C16orf74: variants seen among roughly 807,000 people sequenced by gnomAD.
The protein encoded by C16orf74 is uncharacterized protein C16orf74.
A neutral mutation model predicts 6.5 loss-of-function variants in C16orf74; 10 were observed. The ratio of observed to expected loss-of-function variants is 1.54; its 90% CI spans 0.95 to 2.61. The LOEUF is 2.61. Among genes scored for constraint, C16orf74 ranks in the 30% most tolerant of loss-of-function variants. The probability of loss-of-function intolerance (pLI) is 0.00; values close to 1 mark genes in which losing one functional copy is unlikely to be tolerated. For synonymous variants in C16orf74, 60 were observed against 42.5 expected (o/e 1.41, Z -1.60); for missense variants, 141 against 105.9 (o/e 1.33, Z -1.45).
Position 85,710,274 on chromosome 16 carries a change from C to T in C16orf74, c.62G>A (p.Ser21Asn), listed in dbSNP as rs761134549. Residue 21 changes from serine to asparagine, a missense_variant, in exon 3 of 4, where the codon AGC becomes AAC. Physicochemically the swap from Ser to Asn is conservative, Grantham distance 46. Transcript: ENST00000284245. ...FQMCVSSSSSSHDEAPVLNDK... is the reference protein window; with the variant it reads ...FQMCVSSSSSNHDEAPVLNDK... ...GTTCAGGACGGGGGCCTCGTCGTGG[C>T]TGCTGCTGCTGCTGCTGACACACAT... 3 of 1,401,334 alleles carry T rather than the reference C, an allele frequency of 2.1e-6. No homozygotes were observed. Among genetic ancestry groups the T allele is most frequent in the Non-Finnish European group, 2.8e-6 (3 of 1,065,410 alleles). 86.8% of individuals were successfully genotyped at this position (1,401,334 alleles called of 1,614,324 possible). A position where few individuals can be genotyped will look rare whatever the true frequency, so the allele number is the denominator to read the frequency against.
chr16:85,709,663 G>A (rs2053947940), intron 3 of C16orf74, among the ~76,000 whole-genome samples: 1 of 152,188 alleles, frequency 6.6e-6, no homozygotes, highest in South Asian at 2.1e-4. Flanking sequence ...TTGGGCCTCT[G>A]TCTCCCACCT....
At chr16:85,726,502 G>A (rs2054134302) in intron 2 of C16orf74, among the ~76,000 whole-genome samples, 1 of 152,304 alleles carries the variant, frequency 6.6e-6, no homozygotes, top group East Asian at 1.9e-4. Flanking sequence ...ATGGCAGGCA[G>A]TGGGTGAGGA....
At chr16:85,735,821 C>T (rs1245908816) in intron 1 of C16orf74, among the ~76,000 whole-genome samples, 1 of 152,124 alleles carries the variant, frequency 6.6e-6, no homozygotes, top group Non-Finnish European at 1.5e-5. Context: ...CATGAGGCAT[C>T]CCGAGTTCTA....
At chr16:85,734,249 C>G (rs2054220604) in intron 2 of C16orf74, among the ~76,000 whole-genome samples, 1 of 152,204 alleles carries the variant, frequency 6.6e-6, no homozygotes, top group Admixed American at 6.5e-5. Context: ...CCAGGCCCTG[C>G]TCTCGTGCTC....
intron 1 of C16orf74, among the ~76,000 whole-genome samples, chr16:85,738,326 A>ATTTT (rs368313117): frequency 2.2e-5 from 3 of 135,690 alleles, no homozygotes; most frequent in Non-Finnish European, 4.7e-5. Context: ...TGGCATTGGG[A>ATTTT]TTTTTTTTTT....
rs144813253 is a variant in C16orf74, at chr16:85,710,387, C to T, written c.29-80G>A. Reference sequence around the variant, plus strand: ...ATCAGTGGCCGCCGGGAACCGCGGGCGCCACCCTCCCTTCACTATCACCTG... The same window carrying T: ...ATCAGTGGCCGCCGGGAACCGCGGGTGCCACCCTCCCTTCACTATCACCTG... On this transcript the variant is annotated intron_variant, in intron 2 of 3. Transcript: ENST00000284245. The T allele has an allele frequency of 8.2e-3, 11,244 of 1,365,208 alleles. 61 individuals are homozygous for T. Among genetic ancestry groups the T allele is most frequent in the Non-Finnish European group, 9.7e-3 (10,177 of 1,050,606 alleles). 84.6% of individuals were successfully genotyped at this position (1,365,208 alleles called of 1,614,324 possible).
intron 3 of C16orf74, among the ~76,000 whole-genome samples, chr16:85,709,389 T>C (rs906092047): frequency 2.0e-5 from 3 of 152,044 alleles, no homozygotes; most frequent in Non-Finnish European, 4.4e-5. Flanking sequence ...AAAATGGGGA[T>C]GAAATCTGTA....
intron 1 of C16orf74, among the ~76,000 whole-genome samples, chr16:85,737,568 G>C (rs2054258334): frequency 6.6e-6 from 1 of 152,152 alleles, no homozygotes; most frequent in Non-Finnish European, 1.5e-5. Flanking sequence ...GGTGGCTCAC[G>C]TCTGTAATCC....
At chr16:85,730,267 G>A (rs1318498937) in intron 2 of C16orf74, among the ~76,000 whole-genome samples, 2 of 152,156 alleles carry the variant, frequency 1.3e-5, no homozygotes, top group Non-Finnish European at 2.9e-5. Context: ...GAATAAGAAC[G>A]GGTCTCGGAG....
chr16:85,746,607 C>A (rs2054375920), intron 1 of C16orf74, among the ~76,000 whole-genome samples: 1 of 152,152 alleles, frequency 6.6e-6, no homozygotes. Flanking sequence ...ACAAAGACCT[C>A]CTGGGAGGAG....
intron 1 of C16orf74, among the ~76,000 whole-genome samples, chr16:85,750,618 G>T (rs2054426696): frequency 6.6e-6 from 1 of 152,232 alleles, no homozygotes; most frequent in South Asian, 2.1e-4. Context: ...AACTCGTGAC[G>T]GCGCGGGGTG....
chr16:85,708,135 G>T lies in C16orf74; in HGVS notation c.173-69C>A, dbSNP rs1488161234. ...ACCACACCAAGCCCCGTTTCCCTGG[G>T]AACTGCAGGGCTGGGGCCTCTGGGA... On this transcript the variant is annotated intron_variant, in intron 3 of 3. Transcript: ENST00000284245. 54 of 1,327,482 alleles carry T rather than the reference G, an allele frequency of 4.1e-5. 1 individual carries two copies. In the South Asian group the frequency reaches 6.1e-4, roughly 15 times the overall value. 82.2% of individuals were successfully genotyped at this position (1,327,482 alleles called of 1,614,324 possible).
chr16:85,736,801 C>G (rs1167241667), intron 1 of C16orf74, among the ~76,000 whole-genome samples: 1 of 152,154 alleles, frequency 6.6e-6, no homozygotes, highest in Non-Finnish European at 1.5e-5. Flanking sequence ...CGCCTATAAT[C>G]CTGACACTTT....
chr16:85,745,139 TAA>T (rs10554549), intron 1 of C16orf74, among the ~76,000 whole-genome samples: 597 of 50,964 alleles, frequency 0.012, 4 homozygotes, highest in African/African-American at 0.045. Context: ...AAACTCTGTC[TAA>T]AAAAAAAAAA....
At chr16:85,727,033 C>T (rs451754) in intron 2 of C16orf74, among the ~76,000 whole-genome samples, 54,002 of 152,156 alleles carry the variant, frequency 0.35, 9,993 homozygotes, top group African/African-American at 0.45. Flanking sequence ...ATTAAGGTCA[C>T]TCCTCACCTC....
At chr16:85,750,026 T>G (rs1192500446) in intron 1 of C16orf74, among the ~76,000 whole-genome samples, 1 of 152,094 alleles carries the variant, frequency 6.6e-6, no homozygotes, top group Admixed American at 6.5e-5. Context: ...GACAGGGGCC[T>G]CCCCACAGCG....
chr16:85,736,003 G>C (rs1342894581), intron 1 of C16orf74, among the ~76,000 whole-genome samples: 1 of 152,180 alleles, frequency 6.6e-6, no homozygotes, highest in Admixed American at 6.5e-5. Flanking sequence ...GCTTACTAGG[G>C]ACTGTGGAGC....
chr16:85,750,573 G>T (rs886164857), intron 1 of C16orf74, among the ~76,000 whole-genome samples: 2 of 152,330 alleles, frequency 1.3e-5, no homozygotes, highest in Middle Eastern at 3.4e-3. Context: ...CTGCCTTCCA[G>T]CTCTCAGGAA....
At chr16:85,741,220 G>A (rs1269368871) in intron 1 of C16orf74, among the ~76,000 whole-genome samples, 2 of 152,196 alleles carry the variant, frequency 1.3e-5, no homozygotes, top group African/African-American at 4.8e-5. Flanking sequence ...AGCTTCTACA[G>A]CTTGGTGGAG....
Sources: gnomAD v4.1 joint callset for allele counts (sites outside exome capture counted in the v4.1 genomes callset) on GRCh38, gnomAD v4.1.1 for gene constraint, MANE v1.5 for transcripts, NCBI Gene and HGNC (gene_info 2026-07-23, HGNC 2026-07-21) for gene names.